The following CHN2 variants were observed in gnomAD, a reference collection of about 807,000 sequenced individuals.
CHN2 encodes the protein beta-chimaerin.
CHN2 carries 35 observed loss-of-function variants against 56.3 expected under a neutral mutation model. That is an observed-to-expected ratio of 0.62 (90% CI 0.47 to 0.82). CHN2 has a LOEUF of 0.82. Among genes scored for constraint, CHN2 ranks in the 40% least tolerant of loss-of-function variants. The probability of loss-of-function intolerance (pLI) is 0.00; values close to 1 mark genes in which losing one functional copy is unlikely to be tolerated. For synonymous variants in CHN2, 210 were observed against 212.8 expected (o/e 0.99, Z 0.12); for missense variants, 491 against 580.5 (o/e 0.85, Z 1.58).
At chr7:29,355,008 G>T in intron 2 of CHN2, among the ~76,000 whole-genome samples, 1 of 149,068 alleles carries the variant, frequency 6.7e-6, no homozygotes, top group Admixed American at 6.7e-5. Context: ...CACTCTTGTT[G>T]CCCAGGCTGG....
intron 7 of CHN2, among the ~76,000 whole-genome samples, chr7:29,482,168 C>T (rs897752652): frequency 6.6e-6 from 1 of 152,184 alleles, no homozygotes; most frequent in African/African-American, 2.4e-5. Flanking sequence ...TCACCGTTAA[C>T]AGCTCTTGAA....
At chr7:29,209,793 C>T (rs3812387) in intron 1 of CHN2, among the ~76,000 whole-genome samples, 13 of 152,230 alleles carry the variant, frequency 8.5e-5, no homozygotes, top group African/African-American at 2.2e-4. Context: ...TTCCTACAAA[C>T]GGTCAAGTCC....
chr7:29,426,856 G>T (rs1260517601), intron 6 of CHN2, among the ~76,000 whole-genome samples: 4 of 152,234 alleles, frequency 2.6e-5, no homozygotes, highest in Admixed American at 2.6e-4. Flanking sequence ...TTCCTTGCTG[G>T]CTGTCCGCTG....
At chr7:29,447,903 G>A (rs888533611) in intron 6 of CHN2, among the ~76,000 whole-genome samples, 1 of 152,156 alleles carries the variant, frequency 6.6e-6, no homozygotes, top group Non-Finnish European at 1.5e-5. Context: ...ATCACTGGGA[G>A]AACTTTGCAA....
chr7:29,488,897 TG>T (rs1439853570), intron 7 of CHN2, among the ~76,000 whole-genome samples: 3 of 152,198 alleles, frequency 2.0e-5, no homozygotes. Flanking sequence ...TGATGTATAC[TG>T]GTAAGAAAAA....
intron 3 of CHN2, among the ~76,000 whole-genome samples, chr7:29,391,992 G>A (rs1417722657): frequency 6.6e-6 from 1 of 152,166 alleles, no homozygotes; most frequent in Non-Finnish European, 1.5e-5. Context: ...CTCTTTTAGG[G>A]AAATAAGAAG....
chr7:29,430,172 C>G (rs1483357743), intron 6 of CHN2, among the ~76,000 whole-genome samples: 1 of 152,134 alleles, frequency 6.6e-6, no homozygotes. Flanking sequence ...TTTGTTGTTT[C>G]CTGAACAGAA....
At chr7:29,292,958 C>T (rs752928149) in intron 1 of CHN2, 30 of 456,100 alleles carry the variant, frequency 6.6e-5, no homozygotes, top group African/African-American at 5.2e-4. Context: ...AGAGAGCTTC[C>T]AAAATGTAAG....
At chr7:29,475,242 A>T (rs1786495773) in intron 6 of CHN2, among the ~76,000 whole-genome samples, 3 of 152,184 alleles carry the variant, frequency 2.0e-5, no homozygotes, top group African/African-American at 7.2e-5. Flanking sequence ...CAAAAAAAGA[A>T]GAAAAAAAAG....
chr7:29,510,473 G>T (rs1791177876), intron 12 of CHN2, among the ~76,000 whole-genome samples: 1 of 152,166 alleles, frequency 6.6e-6, no homozygotes, highest in African/African-American at 2.4e-5. Context: ...AGGCTTGATG[G>T]TGGTAGCATC....
At chr7:29,292,744 G>A in intron 1 of CHN2, 1 of 355,234 alleles carries the variant, frequency 2.8e-6, no homozygotes, top group East Asian at 7.6e-5. Flanking sequence ...GGTTTGGGGG[G>A]AAAAGTAAAA....
intron 1 of CHN2, among the ~76,000 whole-genome samples, chr7:29,236,604 G>A: frequency 6.6e-6 from 1 of 152,200 alleles, no homozygotes; most frequent in East Asian, 1.9e-4. Context: ...GACTGAACGT[G>A]GGAGTGAGAT....
intron 1 of CHN2, among the ~76,000 whole-genome samples, chr7:29,204,969 G>A (rs1262382212): frequency 6.6e-6 from 1 of 152,160 alleles, no homozygotes; most frequent in Non-Finnish European, 1.5e-5. Flanking sequence ...ATGTCATCTG[G>A]GTTAAGAACA....
chr7:29,242,943 C>T (rs1562859418), intron 1 of CHN2, among the ~76,000 whole-genome samples: 3 of 150,722 alleles, frequency 2.0e-5, no homozygotes, highest in Non-Finnish European at 3.0e-5. Flanking sequence ...AATATTTTCA[C>T]GTGCAGGGAA....
chr7:29,153,769 C>G (rs989881690), intron 2 of CHN2, among the ~76,000 whole-genome samples: 5 of 151,998 alleles, frequency 3.3e-5, no homozygotes, highest in African/African-American at 1.2e-4. Context: ...AGGGTTTCAC[C>G]ATGTTGGCCA....
chr7:29,346,321 C>T (rs1392955384), intron 1 of CHN2, among the ~76,000 whole-genome samples: 1 of 152,204 alleles, frequency 6.6e-6, no homozygotes, highest in African/African-American at 2.4e-5. Flanking sequence ...ACATCCCACT[C>T]CTGCTGTTGT....
intron 6 of CHN2, among the ~76,000 whole-genome samples, chr7:29,438,083 G>T (rs912041960): frequency 6.6e-6 from 1 of 152,202 alleles, no homozygotes; most frequent in Admixed American, 6.5e-5. Context: ...GGGGATAATG[G>T]TGATGTCTGT....
At chr7:29,408,735 G>T (rs1470122871) in intron 6 of CHN2, among the ~76,000 whole-genome samples, 1 of 152,136 alleles carries the variant, frequency 6.6e-6, no homozygotes, top group Admixed American at 6.5e-5. Context: ...GTTTCTTTGG[G>T]TGGATATTAG....
intron 2 of CHN2, among the ~76,000 whole-genome samples, chr7:29,363,221 C>CA (rs1462275721): frequency 1.3e-5 from 2 of 152,216 alleles, no homozygotes. Flanking sequence ...CGTGGTGGCT[C>CA]ACGCCTCTAA....
Sources: gnomAD v4.1 joint callset for allele counts (sites outside exome capture counted in the v4.1 genomes callset) on GRCh38, gnomAD v4.1.1 for gene constraint, MANE v1.5 for transcripts, NCBI Gene and HGNC (gene_info 2026-07-23, HGNC 2026-07-21) for gene names.